KIT: variants seen among roughly 807,000 people sequenced by gnomAD.
The protein encoded by KIT is mast/stem cell growth factor receptor Kit.
A neutral mutation model predicts 105.7 loss-of-function variants in KIT; 16 were observed. The observed-to-expected ratio is 0.15, with a 90% CI of 0.10 to 0.23. KIT has a LOEUF of 0.23. Ranked by LOEUF, KIT falls within the 10% of genes least tolerant of loss-of-function variation. The pLI, the probability that KIT is intolerant of heterozygous loss-of-function variation, is 1.00. For missense variants in KIT, 858 were observed against 1,213.8 expected (o/e 0.71, Z 4.36); for synonymous variants, 438 against 441.1 (o/e 0.99, Z 0.09).
chr4:54,707,413 G>C (rs1487050296), intron 6 of KIT, 126 bp downstream of exon 6: 12 of 722,554 alleles, frequency 1.7e-5, no homozygotes, highest in Non-Finnish European at 4.9e-6. Flanking sequence ...GTCTGGGGCT[G>C]CCTCCTATGT....
chr4:54,692,900 C>T (rs1235102482), intron 1 of KIT, among the ~76,000 whole-genome samples: 1 of 152,132 alleles, frequency 6.6e-6, no homozygotes, highest in African/African-American at 2.4e-5. Flanking sequence ...CAGTTGATGC[C>T]ACCACAGGCA....
intron 1 of KIT, among the ~76,000 whole-genome samples, chr4:54,668,787 T>C (rs967749728): frequency 2.0e-5 from 3 of 152,194 alleles, no homozygotes. Context: ...GTTAAAAAGA[T>C]CTTGAGAATT....
At chr4:54,690,808 A>T (rs766219361) in intron 1 of KIT, among the ~76,000 whole-genome samples, 90 of 152,120 alleles carry the variant, frequency 5.9e-4, no homozygotes, top group Non-Finnish European at 9.0e-4. Context: ...CTACTCTTTT[A>T]AAAAAAACTT....
In KIT at chr4:54,709,507, A is replaced by C; in HGVS notation, c.1199A>C (p.Asn400Thr). The C allele has an allele frequency of 1.2e-6, 2 of 1,611,376 alleles. No individual in the cohort carries two copies. Among genetic ancestry groups the C allele is most frequent in the Non-Finnish European group, 1.7e-6 (2 of 1,177,436 alleles). ...TTCCTAGTGTCCAATTCTGACGTCA[A>C]TGCTGCCATAGCATTTAATGTTTAT... ...YTFLVSNSDV[N>T]AAIAFNVYVN... Residue 400 changes from asparagine (N) to threonine (T), a missense_variant, in exon 7 of 21, where the codon AAT becomes ACT. Around this residue, in one of 7 missense-constraint regions of KIT, gnomAD observed 401 missense variants for 601.0 expected, o/e 0.67. Transcript: ENST00000288135.
intron 11 of KIT, 134 bp downstream of exon 11, chr4:54,727,676 A>G: frequency 1.5e-6 from 2 of 1,342,870 alleles, no homozygotes; most frequent in Admixed American, 1.8e-5. Context: ...GCCCCTTTTG[A>G]TAGGTTTGCC....
intron 1 of KIT, among the ~76,000 whole-genome samples, chr4:54,669,755 A>G (rs1317201451): frequency 6.6e-6 from 1 of 152,058 alleles, no homozygotes; most frequent in Non-Finnish European, 1.5e-5. Flanking sequence ...CATAGAAAGC[A>G]GTTTAATTTA....
chr4:54,694,570 G>A (rs1719927344), intron 1 of KIT, among the ~76,000 whole-genome samples: 1 of 152,046 alleles, frequency 6.6e-6, no homozygotes, highest in South Asian at 2.1e-4. Flanking sequence ...GGCGGTGGGG[G>A]CGTCTCACTG....
At chr4:54,731,565 A>G (rs1363405920) in intron 15 of KIT, 146 bp downstream of exon 15, 6 of 741,318 alleles carry the variant, frequency 8.1e-6, no homozygotes, top group African/African-American at 1.7e-5. Context: ...AATGGCAGTT[A>G]GGGTTGCAAG....
chr4:54,716,544 T>C (rs1404425996), intron 7 of KIT, among the ~76,000 whole-genome samples: 7 of 152,170 alleles, frequency 4.6e-5, no homozygotes, highest in Non-Finnish European at 8.8e-5. Context: ...AATGAAGTCA[T>C]ATTGCTTTAT....
At chr4:54,686,838 C>T (rs1447067939) in intron 1 of KIT, among the ~76,000 whole-genome samples, 1 of 152,202 alleles carries the variant, frequency 6.6e-6, no homozygotes, top group African/African-American at 2.4e-5. Flanking sequence ...AGCCACCACT[C>T]CTGGCCCTGA....
Position 54,740,683 on chromosome 4 carries a change from AG to A in KIT, c.*2127del, listed in dbSNP as rs1457090890. 1 of 231,430 alleles carries A rather than the reference AG, an allele frequency of 4.3e-6. No homozygotes were observed. The highest frequency in any genetic ancestry group is 2.2e-5 in the African/African-American group (1 of 45,218). The allele number at this position is 231,430 out of a possible 1,614,324, so 14.3% of individuals were successfully genotyped here. A position where few individuals can be genotyped will look rare whatever the true frequency, so the allele number is the denominator to read the frequency against. On this transcript the variant is annotated 3_prime_UTR_variant, in exon 21 of 21. Coordinates refer to ENST00000288135, the MANE Select transcript of KIT (RefSeq NM_000222.3). Reference sequence around the variant, plus strand: ...GTTGTCCAATTGTTGACAGTTCTGAAGAATTCTAATAAAATGTACATATATA... The same window carrying A: ...GTTGTCCAATTGTTGACAGTTCTGAAAATTCTAATAAAATGTACATATATA...
chr4:54,712,256 C>CG (rs1721209089), intron 7 of KIT, among the ~76,000 whole-genome samples: 1 of 152,116 alleles, frequency 6.6e-6, no homozygotes, highest in South Asian at 2.1e-4. Flanking sequence ...AATACAAGCT[C>CG]GGGTTTTTTT....
intron 1 of KIT, among the ~76,000 whole-genome samples, chr4:54,692,701 A>G (rs1329389754): frequency 1.3e-5 from 2 of 152,124 alleles, no homozygotes; most frequent in Non-Finnish European, 2.9e-5. Flanking sequence ...GCTCTGTACA[A>G]CTCTGAAAAT....
At chr4:54,714,054 A>G (rs1721315827) in intron 7 of KIT, among the ~76,000 whole-genome samples, 1 of 152,318 alleles carries the variant, frequency 6.6e-6, no homozygotes, top group East Asian at 1.9e-4. Flanking sequence ...TTATATCTGC[A>G]TTGAATTTGC....
intron 1 of KIT, among the ~76,000 whole-genome samples, chr4:54,669,724 A>G (rs1419416429): frequency 2.0e-5 from 3 of 151,950 alleles, no homozygotes; most frequent in Non-Finnish European, 4.4e-5. Flanking sequence ...AAAAAAAGAA[A>G]GATGTAATTT....
At chr4:54,704,691 CTT>C (rs771490622) in intron 5 of KIT, among the ~76,000 whole-genome samples, 7 of 152,126 alleles carry the variant, frequency 4.6e-5, no homozygotes, top group Non-Finnish European at 7.4e-5. Flanking sequence ...ATTTTTTTGT[CTT>C]TTGAGTATTG....
At chr4:54,679,353 G>T (rs143443389) in intron 1 of KIT, among the ~76,000 whole-genome samples, 1 of 152,174 alleles carries the variant, frequency 6.6e-6, no homozygotes, top group Non-Finnish European at 1.5e-5. Flanking sequence ...GGTAATTGAA[G>T]TCTATCTGCA....
rs187539488 is a variant in KIT at position 54,714,553 on chromosome 4, C to A, written c.1231+5014C>A. Among the ~76,000 whole-genome samples the A allele has an allele frequency of 9.8e-3, 1,496 of 151,994 alleles. 14 individuals carry two copies. Among genetic ancestry groups the A allele is most frequent in the South Asian group, 0.013 (62 of 4,794 alleles). ...TTTATTTTGGCTTCAATTTTAAATA[C>A]CCATGTGAATCCTGAAATAATTTAC... On this transcript the variant is annotated intron_variant, in intron 7 of 20. Transcript: ENST00000288135.
rs1216680783 is a variant in KIT at position 54,731,521 on chromosome 4, C to G, written c.2233+102C>G. On this transcript the variant is annotated intron_variant, in intron 15 of 20. Coordinates refer to ENST00000288135, the MANE Select transcript of KIT (RefSeq NM_000222.3). ...TCATTCCCAGTAGCAATGATGCAGA[C>G]CAGTTCTGCTTTATGGTAGCAGTGC... 5 of 878,042 alleles carry G rather than the reference C, an allele frequency of 5.7e-6. No individual in the cohort carries two copies. The Admixed American group carries it at 7.6e-5, about 13-fold the overall frequency. The allele number at this position is 878,042 out of a possible 1,614,324, so 54.4% of individuals were successfully genotyped here. A position where few individuals can be genotyped will look rare whatever the true frequency, so the allele number is the denominator to read the frequency against.
Sources: gnomAD v4.1 joint callset for allele counts (sites outside exome capture counted in the v4.1 genomes callset) on GRCh38, gnomAD v4.1.1 for gene constraint, gnomAD v4.1.1 regional missense constraint, MANE v1.5 for transcripts, NCBI Gene and HGNC (gene_info 2026-07-23, HGNC 2026-07-21) for gene names.